The following NPTXR variants were observed in gnomAD, a reference collection of about 807,000 sequenced individuals.
NPTXR encodes neuronal pentraxin receptor.
NPTXR carries 12 observed loss-of-function variants against 32.2 expected under a neutral mutation model. The observed-to-expected ratio is 0.37, with a 90% confidence interval of 0.24 to 0.60. NPTXR has a LOEUF of 0.60. Ranked by LOEUF, NPTXR falls within the 20% of genes least tolerant of loss-of-function variation. NPTXR has a pLI of 0.66. For synonymous variants in NPTXR, 323 were observed against 315.8 expected, an observed-to-expected ratio of 1.02 and a Z score of -0.24; for missense variants, 612 against 682.9, an observed-to-expected ratio of 0.90 and a Z score of 1.16.
Position 38,826,566 on chromosome 22 carries a change from C to T in NPTXR, c.1032G>A (p.Gly344=). 1.2e-6 allele frequency: 2 copies of T among 1,614,226 alleles called. No individual in the cohort carries two copies. Among genetic ancestry groups the T allele is most frequent in the Non-Finnish European group, 1.7e-6 (2 of 1,180,040 alleles). The change falls in exon 3 of 5, where the codon GGG becomes GGA. Residue 344 remains glycine, a synonymous_variant. Transcript: ENST00000333039. ...CTAGCAGTACAATCTCGTTGGCCTG[C>T]CCGGGCACTGAGTAGGAGAAGGGGG...
intron 3 of NPTXR, among the ~76,000 whole-genome samples, chr22:38,823,617 G>T (rs763323583): frequency 3.3e-5 from 5 of 152,214 alleles, no homozygotes; most frequent in Admixed American, 2.0e-4. Flanking sequence ...GGCTCAAGAA[G>T]TACTGGCAGG....
intron 4 of NPTXR, 41 bp from the exon 5 acceptor site, chr22:38,822,874 G>T: frequency 6.4e-7 from 1 of 1,573,912 alleles, no homozygotes; most frequent in Non-Finnish European, 8.7e-7. Flanking sequence ...GGCATGGAGT[G>T]AGGGAGCAGA....
At chr22:38,830,885 C>CCA in intron 1 of NPTXR, among the ~76,000 whole-genome samples, 1 of 152,100 alleles carries the variant, frequency 6.6e-6, no homozygotes, top group South Asian at 2.1e-4. Context: ...CATTATCCAC[C>CCA]CCCCCCACCT....
At position 38,843,949 on chromosome 22, in the gene NPTXR, G is replaced by T; in HGVS notation, c.-91C>A. 1.3e-6 allele frequency: 1 copy of T among 756,014 alleles called. No homozygotes were observed. The highest frequency in any genetic ancestry group is 1.6e-6 in the Non-Finnish European group (1 of 622,512). 46.8% of individuals were successfully genotyped at this position (756,014 alleles called of 1,614,324 possible). A position where few individuals can be genotyped will look rare whatever the true frequency, so the allele number is the denominator to read the frequency against. On this transcript the variant is annotated 5_prime_UTR_variant, in exon 1 of 5. Transcript: ENST00000333039. The surrounding 1 kb of genome is among the most constrained non-coding windows in gnomAD (Gnocchi z 5.3). ...GCCCGGGCGCGCTGGGCCGAGCGGG[G>T]CAGGCGCGGGAGCCGGAGCCGGAGC... is the stretch of plus-strand genomic sequence containing the variant.
chr22:38,826,835 C>A (rs920142276), intron 2 of NPTXR, 88 bp from the exon 3 acceptor site: 41 of 1,483,042 alleles, frequency 2.8e-5, no homozygotes, highest in Admixed American at 1.5e-4. Context: ...AGATGGCTAA[C>A]AGCTCCCAGG....
chr22:38,822,651 T>C lies in NPTXR; in HGVS notation c.1461A>G (p.Thr487=), dbSNP rs1213865346. The change falls in exon 5 of 5, where the codon ACA becomes ACG. Residue 487 remains threonine, a synonymous_variant. Coordinates refer to ENST00000333039, the MANE Select transcript of NPTXR (RefSeq NM_014293.4). ...CCTTGCAGACATCGAAGGCAGCCTT[T>C]GTTGCACCCCCAAAGGCCTCCACCA... 1 of 1,613,932 alleles carries C rather than the reference T, an allele frequency of 6.2e-7. No individual in the cohort carries two copies. Among genetic ancestry groups the C allele is most frequent in the Admixed American group, 1.7e-5 (1 of 60,018 alleles).
intron 1 of NPTXR, among the ~76,000 whole-genome samples, chr22:38,832,279 G>T (rs577417365): frequency 2.7e-4 from 41 of 152,330 alleles, no homozygotes; most frequent in African/African-American, 9.4e-4. Context: ...TGCTGTGGGC[G>T]CAGGCTGTGC....
At chr22:38,826,861 C>CTGA in intron 2 of NPTXR, 114 bp from the exon 3 acceptor site, 2 of 1,214,488 alleles carry the variant, frequency 1.6e-6, no homozygotes, top group Non-Finnish European at 2.3e-6. Flanking sequence ...GCTGCATGCC[C>CTGA]AGTGCCTTCA....
intron 3 of NPTXR, among the ~76,000 whole-genome samples, chr22:38,823,491 C>T (rs1329262312): frequency 6.6e-6 from 1 of 152,236 alleles, no homozygotes; most frequent in Non-Finnish European, 1.5e-5. Context: ...TTTCAGTTGT[C>T]ACAAGGTAGT....
chr22:38,838,167 A>C (rs1403226544), intron 1 of NPTXR, among the ~76,000 whole-genome samples: 1 of 151,614 alleles, frequency 6.6e-6, no homozygotes, highest in Non-Finnish European at 1.5e-5. Context: ...TATTTCAGAG[A>C]CTTTTTAGAG....
At chr22:38,830,274 A>G (rs1241358151) in intron 1 of NPTXR, among the ~76,000 whole-genome samples, 1 of 152,160 alleles carries the variant, frequency 6.6e-6, no homozygotes, top group Non-Finnish European at 1.5e-5. Flanking sequence ...CTCAGCCTCC[A>G]GGGCTGGCCA....
chr22:38,836,689 C>A (rs1286869488), intron 1 of NPTXR, among the ~76,000 whole-genome samples: 1 of 152,174 alleles, frequency 6.6e-6, no homozygotes, highest in African/African-American at 2.4e-5. Flanking sequence ...CAGGGGTATC[C>A]ATCCACAAAT....
rs1192375612 is a variant in NPTXR at position 38,822,228 on chromosome 22, G to A, written c.*381C>T. On this transcript the variant is annotated 3_prime_UTR_variant, in exon 5 of 5. Coordinates refer to ENST00000333039, the MANE Select transcript of NPTXR (RefSeq NM_014293.4). ...CCTGTTGCATGGGGGACAAGGGGGC[G>A]GGCGGCCACCCCCACCACTGAGATA... 1.6e-5 allele frequency: 4 copies of A among 250,140 alleles called. No homozygotes were observed. The highest frequency in any genetic ancestry group is 5.8e-5 in the South Asian group (1 of 17,200). The allele number at this position is 250,140 out of a possible 1,614,324, so 15.5% of individuals were successfully genotyped here.
chr22:38,825,877 C>T (rs904756038), intron 3 of NPTXR, among the ~76,000 whole-genome samples: 1 of 140,918 alleles, frequency 7.1e-6, no homozygotes, highest in African/African-American at 2.7e-5. Flanking sequence ...GAGTCTTCCT[C>T]TGTCGCCCAG....
At chr22:38,838,774 G>C (rs1056332086) in intron 1 of NPTXR, among the ~76,000 whole-genome samples, 11 of 151,882 alleles carry the variant, frequency 7.2e-5, no homozygotes, top group African/African-American at 2.4e-4. Context: ...GTAGAGACGG[G>C]GTTTCACCGT....
At chr22:38,823,405 C>T in intron 3 of NPTXR, 143 bp from the exon 4 acceptor site, 1 of 666,772 alleles carries the variant, frequency 1.5e-6, no homozygotes, top group Non-Finnish European at 2.5e-6. Context: ...TCCTCCTGCC[C>T]AGTGTCTTTC....
chr22:38,830,049 G>T (rs189349858), intron 1 of NPTXR, among the ~76,000 whole-genome samples: 2 of 152,350 alleles, frequency 1.3e-5, no homozygotes, highest in Admixed American at 1.3e-4. Flanking sequence ...AAGGGGAGAA[G>T]TGCGTCCCCT....
In NPTXR at chr22:38,830,053, G is replaced by A. The variant is rs901753555; in HGVS notation, c.625-1541C>T. On this transcript the variant is annotated intron_variant, in intron 1 of 4. Coordinates refer to ENST00000333039, the MANE Select transcript of NPTXR (RefSeq NM_014293.4). ...AGCCATGGGACAAGGGGAGAAGTGCGTCCCCTGCATCAGAGTGCTGGGGGC... is the reference window on the plus strand; with the variant it reads ...AGCCATGGGACAAGGGGAGAAGTGCATCCCCTGCATCAGAGTGCTGGGGGC... Among the ~76,000 whole-genome samples, 12 of 152,316 alleles carry A rather than the reference G, an allele frequency of 7.9e-5. No homozygotes were observed. The South Asian group carries it at 1.5e-3, about 18-fold the overall frequency.
rs1012023352 is a variant in NPTXR at position 38,834,686 on chromosome 22, C to T, written c.625-6174G>A. Among the ~76,000 whole-genome samples the T allele has an allele frequency of 1.3e-5, 2 of 152,022 alleles. No individual in the cohort carries two copies. The highest frequency in any genetic ancestry group is 4.8e-5 in the African/African-American group (2 of 41,372). On this transcript the variant is annotated intron_variant, in intron 1 of 4. Transcript: ENST00000333039. This position sits in a 1 kb window ranked among gnomAD's most constrained non-coding sequence, Gnocchi z 4.4. ...TCGTAGTTGCAGACACGAACTGTCACGTTAGACAGGCCAGCGTCATTTTCA... is the reference window on the plus strand; with the variant it reads ...TCGTAGTTGCAGACACGAACTGTCATGTTAGACAGGCCAGCGTCATTTTCA...
Sources: gnomAD v4.1 joint callset for allele counts (sites outside exome capture counted in the v4.1 genomes callset) on GRCh38, gnomAD v4.1.1 for gene constraint, Gnocchi (gnomAD v3.1) non-coding constraint, MANE v1.5 for transcripts, NCBI Gene and HGNC (gene_info 2026-07-23, HGNC 2026-07-21) for gene names.